The following DMD variants were observed in gnomAD, a reference collection of about 807,000 sequenced individuals.
DMD encodes the protein mutant dystrophin.
A neutral mutation model predicts 330.1 loss-of-function variants in DMD; 63 were observed. The observed-to-expected ratio is 0.19, with a 90% CI of 0.16 to 0.24. The LOEUF is 0.24. DMD is among the 10% of genes least tolerant of loss of function. DMD has a pLI of 1.00. For synonymous variants in DMD, 1,223 were observed against 959.8 expected (o/e 1.27, Z -5.07); for missense variants, 3,344 against 2,684.1 (o/e 1.25, Z -5.43).
chrX:31,182,902 A>T lies in DMD; in HGVS notation c.9810T>A (p.Ala3270=). The T allele has an allele frequency of 8.3e-7, 1 of 1,207,329 alleles. No homozygotes were observed. Among genetic ancestry groups the T allele is most frequent in the Non-Finnish European group, 1.1e-6 (1 of 893,248 alleles). Residue 3270 remains alanine, a splice_region_variant and synonymous_variant, in exon 68 of 79, where the codon GCT becomes GCA. Transcript: ENST00000357033. ...CCGCTTCGATCTCTGGCTTATTATTAGCCTGCAAAGACAGGAGGGAGAGAG... is the reference window on the plus strand; with the variant it reads ...CCGCTTCGATCTCTGGCTTATTATTTGCCTGCAAAGACAGGAGGGAGAGAG... ...EPSVRSCFQF[A]NNKPEIEAAL...
intron 44 of DMD, among the ~76,000 whole-genome samples, chrX:32,204,130 T>C (rs1385289376): frequency 8.9e-6 from 1 of 111,781 alleles, no homozygotes; most frequent in Non-Finnish European, 1.9e-5. Context: ...TCAAGATTTA[T>C]TAGGCAGAGC....
intron 71 of DMD, among the ~76,000 whole-genome samples, chrX:31,176,353 C>T (rs59944511): frequency 0.015 from 1,693 of 111,500 alleles, 31 homozygotes; most frequent in African/African-American, 0.052. Flanking sequence ...AGTCTTTCAA[C>T]GTTTAAGACA....
intron 1 of DMD, among the ~76,000 whole-genome samples, chrX:33,149,505 G>A (rs188306979): frequency 2.7e-5 from 3 of 112,179 alleles, no homozygotes; most frequent in African/African-American, 6.5e-5. Context: ...TGTGGCCCAG[G>A]GGTTGGGGAC....
intron 11 of DMD, among the ~76,000 whole-genome samples, chrX:32,642,338 C>T (rs967481298): frequency 8.9e-6 from 1 of 112,329 alleles, no homozygotes; most frequent in East Asian, 2.8e-4. Context: ...AAAAGCTATA[C>T]CAGCTAGAAG....
chrX:32,925,743 A>G (rs551880699), intron 2 of DMD, among the ~76,000 whole-genome samples: 1 of 112,133 alleles, frequency 8.9e-6, no homozygotes, highest in African/African-American at 3.2e-5. Flanking sequence ...AATCTAAACT[A>G]CTAAACGTTA....
At chrX:32,624,051 G>T (rs1397369350) in intron 11 of DMD, among the ~76,000 whole-genome samples, 1 of 112,145 alleles carries the variant, frequency 8.9e-6, no homozygotes, top group Non-Finnish European at 1.9e-5. Flanking sequence ...ATGAAAATGA[G>T]ACAGGAGTTT....
At chrX:32,469,025 A>G (rs1033084050) in intron 22 of DMD, among the ~76,000 whole-genome samples, 2 of 111,063 alleles carry the variant, frequency 1.8e-5, no homozygotes, top group African/African-American at 6.5e-5. Flanking sequence ...ATATATATTA[A>G]TAACTGCATT....
At chrX:32,176,972 T>C (rs1388635708) in intron 44 of DMD, among the ~76,000 whole-genome samples, 2 of 111,555 alleles carry the variant, frequency 1.8e-5, no homozygotes, top group Admixed American at 1.9e-4. Flanking sequence ...TATTTTCCCA[T>C]TTCAAAAGAA....
At chrX:33,302,915 T>A (rs2053687947) in intron 1 of DMD, among the ~76,000 whole-genome samples, 1 of 111,963 alleles carries the variant, frequency 8.9e-6, no homozygotes, top group Non-Finnish European at 1.9e-5. Flanking sequence ...AAAATTCCTC[T>A]GGACTCTACG....
intron 7 of DMD, among the ~76,000 whole-genome samples, chrX:32,729,188 A>C (rs1019398251): frequency 1.8e-5 from 2 of 112,121 alleles, no homozygotes; most frequent in Admixed American, 9.5e-5. Context: ...TTATTGAATC[A>C]TTTCGGATTT....
chrX:33,294,945 C>T (rs959507578), intron 1 of DMD, among the ~76,000 whole-genome samples: 4 of 110,304 alleles, frequency 3.6e-5, no homozygotes, highest in Admixed American at 2.9e-4. Flanking sequence ...TACAAAACAT[C>T]GAGAATTTAA....
chrX:31,729,151 C>T lies in DMD; in HGVS notation c.7660+480G>A, dbSNP rs144940986. On this transcript the variant is annotated intron_variant, in intron 52 of 78. Transcript: ENST00000357033. ...CCCTACTACGGCATAAGGTACAGTA[C>T]GATGATTTTTGATATTACAAAATGG... Among the ~76,000 whole-genome samples, 51 of 111,923 alleles carry T rather than the reference C, an allele frequency of 4.6e-4. 2 individuals carry two copies. The highest frequency in any genetic ancestry group is 1.0e-3 in the African/African-American group (32 of 30,813).
At chrX:32,585,165 G>A (rs2054087856) in intron 13 of DMD, among the ~76,000 whole-genome samples, 1 of 111,044 alleles carries the variant, frequency 9.0e-6, no homozygotes, top group African/African-American at 3.3e-5. Flanking sequence ...AGATTAGAAT[G>A]ATAGATACTG....
At chrX:31,471,571 C>T (rs990928535) in intron 59 of DMD, among the ~76,000 whole-genome samples, 6 of 110,955 alleles carry the variant, frequency 5.4e-5, no homozygotes, top group South Asian at 7.5e-4. Context: ...CTAGGGGCTG[C>T]GCACCTGAGC....
chrX:32,071,685 A>G (rs896569583), intron 44 of DMD, among the ~76,000 whole-genome samples: 1 of 111,507 alleles, frequency 9.0e-6, no homozygotes, highest in African/African-American at 3.3e-5. Context: ...AAATATCAAA[A>G]AAAAGAACTT....
chrX:31,540,042 C>A (rs2073704897), intron 55 of DMD, among the ~76,000 whole-genome samples: 1 of 112,208 alleles, frequency 8.9e-6, no homozygotes, highest in Non-Finnish European at 1.9e-5. Context: ...TTTGTGATAA[C>A]TTTCTGCAGC....
intron 54 of DMD, among the ~76,000 whole-genome samples, chrX:31,647,040 T>A (rs899198901): frequency 8.9e-6 from 1 of 112,184 alleles, no homozygotes; most frequent in Non-Finnish European, 1.9e-5. Context: ...GCATTTACAT[T>A]ACATCTTTCA....
chrX:31,617,915 T>C (rs4829109), intron 55 of DMD, among the ~76,000 whole-genome samples: 45,294 of 110,506 alleles, frequency 0.41, 6,945 homozygotes, highest in Middle Eastern at 0.49. Context: ...GAGATTATGT[T>C]CTTTGCAGCA....
chrX:32,738,142 GT>G (rs2148142208), intron 7 of DMD, among the ~76,000 whole-genome samples: 1 of 111,726 alleles, frequency 9.0e-6, no homozygotes, highest in African/African-American at 3.2e-5. Context: ...ATCACAGAGG[GT>G]TACCAGTGAC....
Sources: allele counts gnomAD v4.1 joint callset (sites outside exome capture counted in the v4.1 genomes callset), GRCh38; gene constraint gnomAD v4.1.1; transcripts MANE v1.5; gene names NCBI Gene and HGNC (gene_info 2026-07-23, HGNC 2026-07-21).